Variants in SRI observed in about 807,000 individuals in gnomAD.
SRI encodes 22 kDa protein.
A neutral mutation model predicts 33.3 loss-of-function variants in SRI; 30 were observed. That is an observed-to-expected ratio of 0.90 (90% CI 0.67 to 1.22). The LOEUF (loss-of-function observed/expected upper bound fraction) is 1.22, where lower values mean the gene tolerates loss of function less well. SRI is among the 50% of genes most tolerant of loss of function. The pLI is 0.00. For missense variants in SRI, 243 were observed against 250.8 expected (o/e 0.97, Z 0.21); for synonymous variants, 75 against 89.9 (o/e 0.83, Z 0.94).
At chr7:88,210,659 A>T (rs1424795303) in intron 4 of SRI, 1 of 528,346 alleles carries the variant, frequency 1.9e-6, no homozygotes, top group Non-Finnish European at 3.4e-6. Context: ...CTTGTTCTAT[A>T]ATACTCTGAT....
chr7:88,226,936 T>G, exon 1 of SRI: 1 of 1,613,666 alleles, frequency 6.2e-7, no homozygotes. Flanking sequence ...GTCTTATAGG[T>G]AGAAGCTGGT....
At chr7:88,224,308 C>G (rs1432572045), upstream of SRI, among the ~76,000 whole-genome samples, 2 of 152,160 alleles carry the variant, frequency 1.3e-5, no homozygotes, top group African/African-American at 4.8e-5. Context: ...ATATAGTATC[C>G]AACCTGGACT....
At chr7:88,212,615 T>C (rs1851606132) in intron 3 of SRI, among the ~76,000 whole-genome samples, 1 of 152,234 alleles carries the variant, frequency 6.6e-6, no homozygotes, top group Non-Finnish European at 1.5e-5. Context: ...GTGTGATTCC[T>C]GGACCAGCCA....
exon 1 of SRI, chr7:88,226,936 T>C: frequency 6.2e-7 from 1 of 1,613,666 alleles, no homozygotes; most frequent in Non-Finnish European, 8.5e-7. Context: ...GTCTTATAGG[T>C]AGAAGCTGGT....
At position 88,209,321 on chromosome 7, in the gene SRI, C is replaced by A; in HGVS notation, c.511+18G>T. ...TGTGTCTTGGCTTGTGGTGATGACA[C>A]GACCTTATAGAACTCACCTGTAAGA... On this transcript the variant is annotated intron_variant, in intron 6 of 7. Coordinates refer to ENST00000265729, the MANE Select transcript of SRI (RefSeq NM_003130.4). The A allele has an allele frequency of 6.3e-7, 1 of 1,594,888 alleles. No homozygotes were observed. The highest frequency in any genetic ancestry group is 8.6e-7 in the Non-Finnish European group (1 of 1,162,834).
At chr7:88,224,685 A>G (rs1851959725), upstream of SRI, among the ~76,000 whole-genome samples, 1 of 152,206 alleles carries the variant, frequency 6.6e-6, no homozygotes, top group African/African-American at 2.4e-5. Flanking sequence ...GTCCGGAGTA[A>G]GAGCTCAGTT....
intron 3 of SRI, among the ~76,000 whole-genome samples, chr7:88,214,435 T>A (rs1230759608): frequency 6.6e-6 from 1 of 152,152 alleles, no homozygotes; most frequent in Admixed American, 6.5e-5. Context: ...AATCTGGTCA[T>A]CTTTTGTGAG....
intron 3 of SRI, among the ~76,000 whole-genome samples, chr7:88,213,236 CA>C (rs2115768221): frequency 6.6e-6 from 1 of 152,258 alleles, no homozygotes; most frequent in East Asian, 1.9e-4. Context: ...TCTTTACAGT[CA>C]GGGGTAGTAT....
Position 88,211,003 on chromosome 7 carries a change from T to C in SRI, c.206-78A>G, listed in dbSNP as rs534574783. On this transcript the variant is annotated intron_variant, in intron 3 of 7. Coordinates refer to ENST00000265729, the MANE Select transcript of SRI (RefSeq NM_003130.4). ...TTACACTGGATACATTCAAATTAAT[T>C]AGAAATATGATTATTATACACTTTT... 4 of 1,103,222 alleles carry C rather than the reference T, an allele frequency of 3.6e-6. No homozygotes were observed. In the African/African-American group the frequency reaches 6.3e-5, roughly 17 times the overall value. 68.3% of individuals were successfully genotyped at this position (1,103,222 alleles called of 1,614,324 possible). A position where few individuals can be genotyped will look rare whatever the true frequency, so the allele number is the denominator to read the frequency against.
chr7:88,209,112 T>C (rs771891388), intron 6 of SRI: 63 of 376,422 alleles, frequency 1.7e-4, no homozygotes, highest in Middle Eastern at 1.5e-3. Flanking sequence ...AACATTTTAG[T>C]AAAATTTAAT....
chr7:88,209,553 A>T (rs868255186), intron 5 of SRI, 101 bp from the exon 6 acceptor site: 4 of 826,812 alleles, frequency 4.8e-6, no homozygotes, highest in Middle Eastern at 2.7e-4. Flanking sequence ...CTGCAGACTC[A>T]TATTAATTAT....
Position 88,217,168 on chromosome 7 carries a change from T to C in SRI, c.159A>G (p.Glu53=), listed in dbSNP as rs1006962872. 3 of 1,612,850 alleles carry C rather than the reference T, an allele frequency of 1.9e-6. No homozygotes were observed. The African/African-American group carries it at 4.0e-5, about 22-fold the overall frequency. Residue 53 remains glutamate (E), a synonymous_variant, in exon 3 of 8, where the codon GAA becomes GAG. Transcript: ENST00000265729. ...CAGACTGTGTCAGACATCTCTGCAA[T>C]TCATCAGCATCTATCTGCCCATCCT... is the stretch of plus-strand genomic sequence containing the variant. ...AGQDGQIDAD[E]LQRCLTQSGI... is the part of the protein sequence containing the mutation.
chr7:88,213,691 C>T (rs1323263400), intron 3 of SRI, among the ~76,000 whole-genome samples: 1 of 152,172 alleles, frequency 6.6e-6, no homozygotes, highest in East Asian at 1.9e-4. Flanking sequence ...TAAAAATGCA[C>T]TGGTATGGAT....
At chr7:88,222,237 G>T (rs967062943), upstream of SRI, among the ~76,000 whole-genome samples, 1 of 151,036 alleles carries the variant, frequency 6.6e-6, no homozygotes, top group African/African-American at 2.5e-5. Flanking sequence ...GGTAATTCTA[G>T]TTCTAGATCC....
In SRI at chr7:88,206,471, T is replaced by C. The variant is rs1362959071; in HGVS notation, c.*7A>G. ...TGTTGATTACATTCATGCAGCTTCC[T>C]CTTGATTTAAACACTCATGACACAT... On this transcript the variant is annotated 3_prime_UTR_variant, in exon 8 of 8. Transcript: ENST00000265729. 6.2e-7 allele frequency: 1 copy of C among 1,613,924 alleles called. No homozygotes were observed. The highest frequency in any genetic ancestry group is 8.5e-7 in the Non-Finnish European group (1 of 1,179,856).
intron 3 of SRI, among the ~76,000 whole-genome samples, chr7:88,214,620 A>G (rs117745734): frequency 0.043 from 6,564 of 151,384 alleles, 175 homozygotes; most frequent in South Asian, 0.1. Flanking sequence ...TCTATTTTAA[A>G]TAATTATTTA....
upstream of SRI, chr7:88,220,098 G>A (rs1385554105): frequency 3.5e-6 from 5 of 1,440,842 alleles, no homozygotes; most frequent in Admixed American, 1.1e-4. Context: ...GCCCCGCCCT[G>A]CCGCTAGGGG....
intron 1 of SRI, 56 bp downstream of exon 1, chr7:88,219,920 G>A (rs1002077738): frequency 3.1e-5 from 48 of 1,527,036 alleles, no homozygotes; most frequent in Non-Finnish European, 4.1e-5. Flanking sequence ...TCTCCAAGGT[G>A]GCCTCTTAGC....
At chr7:88,211,393 T>TA (rs764363152) in intron 3 of SRI, among the ~76,000 whole-genome samples, 5 of 152,040 alleles carry the variant, frequency 3.3e-5, no homozygotes, top group Non-Finnish European at 7.4e-5. Flanking sequence ...AGGAGGCGGT[T>TA]ACAGTGAGCT....
Sources: gnomAD v4.1 joint callset for allele counts (sites outside exome capture counted in the v4.1 genomes callset) on GRCh38, gnomAD v4.1.1 for gene constraint, MANE v1.5 for transcripts, NCBI Gene and HGNC (gene_info 2026-07-23, HGNC 2026-07-21) for gene names.